The following LOC400499 variants were observed in gnomAD, a reference collection of about 807,000 sequenced individuals.
the LOC400499 span, chr16:11,449,181 C>G: frequency 1.6e-6 from 2 of 1,267,690 alleles, no homozygotes; most frequent in South Asian, 2.2e-5. Context: ...CCTTTCATCT[C>G]TTTCCTGCTT....
the LOC400499 span, among the ~76,000 whole-genome samples, chr16:11,475,103 T>A: frequency 6.6e-6 from 1 of 152,164 alleles, no homozygotes; most frequent in South Asian, 2.1e-4. Context: ...CCTTTTCCCT[T>A]GCAGCTTGTG....
the LOC400499 span, among the ~76,000 whole-genome samples, chr16:11,374,085 A>G: frequency 2.0e-5 from 3 of 152,218 alleles, no homozygotes; most frequent in African/African-American, 4.8e-5. Flanking sequence ...ACTAAACTAC[A>G]AATTTAGTAA....
chr16:11,469,741 A>C, the LOC400499 span: 1 of 398,544 alleles, frequency 2.5e-6, no homozygotes, highest in African/African-American at 2.1e-5. Flanking sequence ...TTGTCCTCAC[A>C]ATCCCCCAAC....
At chr16:11,453,483 TA>T in the LOC400499 span, among the ~76,000 whole-genome samples, 1 of 152,100 alleles carries the variant, frequency 6.6e-6, no homozygotes, top group Non-Finnish European at 1.5e-5. Context: ...TGAAATTCTG[TA>T]ACTTATACTC....
At chr16:11,409,389 A>G in the LOC400499 span, among the ~76,000 whole-genome samples, 2 of 152,248 alleles carry the variant, frequency 1.3e-5, no homozygotes, top group Non-Finnish European at 2.9e-5. Flanking sequence ...ACCTGATTTT[A>G]TAAAAAGTTT....
chr16:11,373,133 C>G, the LOC400499 span, among the ~76,000 whole-genome samples: 2 of 152,270 alleles, frequency 1.3e-5, no homozygotes, highest in African/African-American at 4.8e-5. Flanking sequence ...TGCATCCAAC[C>G]CAAAGTGTGG....
chr16:11,385,278 C>T, the LOC400499 span: 3 of 1,232,278 alleles, frequency 2.4e-6, no homozygotes, highest in Non-Finnish European at 3.0e-6. Context: ...GAGCCCCGAG[C>T]CTGTCCGACT....
the LOC400499 span, among the ~76,000 whole-genome samples, chr16:11,474,065 C>A: frequency 6.6e-6 from 1 of 152,200 alleles, no homozygotes; most frequent in South Asian, 2.1e-4. Context: ...CACTATGTTA[C>A]CCAAGCTAGT....
the LOC400499 span, among the ~76,000 whole-genome samples, chr16:11,427,289 G>A: frequency 3.9e-4 from 58 of 148,898 alleles, no homozygotes; most frequent in African/African-American, 1.3e-3. Context: ...CAGAGGTTGC[G>A]GTAAGCTGAG....
chr16:11,440,741 G>C, the LOC400499 span: 1 of 399,072 alleles, frequency 2.5e-6, no homozygotes, highest in East Asian at 3.6e-5. Context: ...GTGACGTTGT[G>C]ATTGACGGCA....
At chr16:11,435,822 G>C in the LOC400499 span, 1 of 399,228 alleles carries the variant, frequency 2.5e-6, no homozygotes, top group Non-Finnish European at 4.4e-6. Context: ...CCAGACATTT[G>C]CACAGATAGA....
chr16:11,446,908 T>C, the LOC400499 span: 1 of 1,533,434 alleles, frequency 6.5e-7, no homozygotes, highest in African/African-American at 1.4e-5. Flanking sequence ...GTGCAACGGG[T>C]GCCTGGTGTG....
chr16:11,435,042 A>G, the LOC400499 span, among the ~76,000 whole-genome samples: 1 of 152,204 alleles, frequency 6.6e-6, no homozygotes, highest in African/African-American at 2.4e-5. Flanking sequence ...CAATGCTGCA[A>G]TCTTACAGCT....
At chr16:11,450,490 CTT>C in the LOC400499 span, 1 of 972,302 alleles carries the variant, frequency 1.0e-6, no homozygotes, top group East Asian at 2.6e-5. Context: ...GAGGGCCAGA[CTT>C]CACACACCTG....
chr16:11,410,443 G>C, the LOC400499 span, among the ~76,000 whole-genome samples: 6 of 152,088 alleles, frequency 3.9e-5, no homozygotes, highest in Admixed American at 6.6e-5. Context: ...GACAAAGAGA[G>C]ACTGTGTCTC....
At chr16:11,479,331 T>G in the LOC400499 span, among the ~76,000 whole-genome samples, 1 of 152,130 alleles carries the variant, frequency 6.6e-6, no homozygotes, top group Non-Finnish European at 1.5e-5. Flanking sequence ...AGTTGAAAAC[T>G]GGCTTGGAAA....
the LOC400499 span, among the ~76,000 whole-genome samples, chr16:11,501,331 G>A: frequency 5.3e-5 from 8 of 151,900 alleles, no homozygotes; most frequent in East Asian, 1.6e-3. Flanking sequence ...TTTAAACCTC[G>A]AATACTCAGC....
chr16:11,510,016 A>G, the LOC400499 span, among the ~76,000 whole-genome samples: 90,033 of 150,934 alleles, frequency 0.6, 27,813 homozygotes, highest in Admixed American at 0.66. Context: ...CCTTGTCAAA[A>G]CAATAAATCT....
the LOC400499 span, chr16:11,446,427 A>C: frequency 2.3e-6 from 2 of 868,124 alleles, no homozygotes; most frequent in Non-Finnish European, 1.8e-6. Flanking sequence ...TGCGTAGCTA[A>C]GATTACAGGT....
Sources: gnomAD v4.1 joint callset for allele counts (sites outside exome capture counted in the v4.1 genomes callset) on GRCh38, gnomAD v4.1.1 for gene constraint, MANE v1.5 for transcripts.